MEGF9: variants seen among roughly 807,000 people sequenced by gnomAD.
MEGF9 encodes multiple EGF like domains 9, also known as multiple epidermal growth factor-like domains protein 9.
Under a neutral mutation model 46.8 loss-of-function variants are expected in MEGF9, and 6 were observed. The observed-to-expected ratio is 0.13, with a 90% CI of 0.07 to 0.25. The LOEUF (loss-of-function observed/expected upper bound fraction) is 0.25. Ranked by LOEUF, MEGF9 falls within the 10% of genes least tolerant of loss-of-function variation. The probability of loss-of-function intolerance (pLI) is 1.00; values close to 1 mark genes in which losing one functional copy is unlikely to be tolerated. For synonymous variants in MEGF9, 302 were observed against 330.7 expected (o/e 0.91, Z 0.94); for missense variants, 683 against 792.4 (o/e 0.86, Z 1.66).
intron 1 of MEGF9, among the ~76,000 whole-genome samples, chr9:120,687,975 A>G (rs889077557): frequency 2.0e-5 from 3 of 152,168 alleles, no homozygotes; most frequent in Non-Finnish European, 4.4e-5. Flanking sequence ...TAAAATGAAG[A>G]ATAAGTTTCT....
chr9:120,713,705 T>G (rs2043963505), intron 1 of MEGF9, 53 bp downstream of exon 1: 1 of 1,264,338 alleles, frequency 7.9e-7, no homozygotes, highest in Non-Finnish European at 9.9e-7. Flanking sequence ...AACCCTAGAT[T>G]GCCGGGGCTG....
intron 2 of MEGF9, among the ~76,000 whole-genome samples, chr9:120,629,346 T>C (rs2043540646): frequency 6.6e-6 from 1 of 152,058 alleles, no homozygotes; most frequent in Non-Finnish European, 1.5e-5. Flanking sequence ...AATAAACTTT[T>C]ATTGGAACAC....
chr9:120,614,979 C>T (rs928281180), intron 3 of MEGF9, among the ~76,000 whole-genome samples: 1 of 151,726 alleles, frequency 6.6e-6, no homozygotes, highest in African/African-American at 2.4e-5. Context: ...GTGGCTCACG[C>T]CTGTAATCCC....
intron 4 of MEGF9, among the ~76,000 whole-genome samples, chr9:120,610,278 G>A (rs1364644331): frequency 1.3e-5 from 2 of 152,104 alleles, no homozygotes; most frequent in Non-Finnish European, 2.9e-5. Flanking sequence ...CAGCATTTTT[G>A]TACTTCAACA....
chr9:120,663,523 T>C (rs1225570855), intron 1 of MEGF9, among the ~76,000 whole-genome samples: 1 of 152,122 alleles, frequency 6.6e-6, no homozygotes, highest in Non-Finnish European at 1.5e-5. Flanking sequence ...ATAGAAGCAA[T>C]GAGAAGGACC....
intron 1 of MEGF9, among the ~76,000 whole-genome samples, chr9:120,680,537 C>T (rs1000860467): frequency 1.3e-5 from 2 of 152,178 alleles, no homozygotes; most frequent in Non-Finnish European, 2.9e-5. Flanking sequence ...CGCATGCACC[C>T]CTGTGGCCAC....
At chr9:120,652,600 AC>A (rs1372398192) in intron 2 of MEGF9, among the ~76,000 whole-genome samples, 1 of 151,698 alleles carries the variant, frequency 6.6e-6, no homozygotes, top group Non-Finnish European at 1.5e-5. Context: ...GCACACACAC[AC>A]ACACACACAC....
In MEGF9 at chr9:120,714,344, G is replaced by T; in HGVS notation, c.15C>A (p.Ala5=). 1 of 1,337,312 alleles carries T rather than the reference G, an allele frequency of 7.5e-7. No individual in the cohort carries two copies. The highest frequency in any genetic ancestry group is 9.6e-7 in the Non-Finnish European group (1 of 1,042,078). The allele number at this position is 1,337,312 out of a possible 1,614,324, so 82.8% of individuals were successfully genotyped here. Residue 5 remains alanine, a synonymous_variant, in exon 1 of 6, where the codon GCC becomes GCA. Transcript: ENST00000373930. MNGG[A]ERAMRSLPSL... ...TCGGCAGGCTCCTCATGGCGCGCTCGGCTCCGCCATTCATTCATTCAGCCA... is the reference window on the plus strand; with the variant it reads ...TCGGCAGGCTCCTCATGGCGCGCTCTGCTCCGCCATTCATTCATTCAGCCA...
chr9:120,681,083 C>T (rs1488984734), intron 1 of MEGF9, among the ~76,000 whole-genome samples: 1 of 152,154 alleles, frequency 6.6e-6, no homozygotes, highest in Non-Finnish European at 1.5e-5. Context: ...TTTCCCTCTG[C>T]TTTTCTCAAA....
intron 1 of MEGF9, among the ~76,000 whole-genome samples, chr9:120,706,891 C>A (rs1040956461): frequency 3.5e-4 from 53 of 152,070 alleles, no homozygotes; most frequent in Admixed American, 3.2e-3. Flanking sequence ...GAATAGCACA[C>A]AGTGGAATGA....
At chr9:120,623,853 A>G (rs2043512394) in intron 2 of MEGF9, among the ~76,000 whole-genome samples, 2 of 152,242 alleles carry the variant, frequency 1.3e-5, no homozygotes, top group African/African-American at 4.8e-5. Context: ...ACAACACTTC[A>G]TCAGCTTATT....
chr9:120,697,122 G>A (rs558474011), intron 1 of MEGF9, among the ~76,000 whole-genome samples: 5 of 152,174 alleles, frequency 3.3e-5, no homozygotes, highest in South Asian at 2.1e-4. Flanking sequence ...TCGCTCTGTC[G>A]CCCAGGCTGG....
In MEGF9 at chr9:120,604,045, T is replaced by G. The variant is rs182587234; in HGVS notation, c.*1145A>C. 1 of 152,818 alleles carries G rather than the reference T, an allele frequency of 6.5e-6. No homozygotes were observed. Among genetic ancestry groups the G allele is most frequent in the East Asian group, 1.9e-4 (1 of 5,194 alleles). The allele number at this position is 152,818 out of a possible 1,614,324, so 9.5% of individuals were successfully genotyped here. On this transcript the variant is annotated 3_prime_UTR_variant, in exon 6 of 6. Transcript: ENST00000373930. Reference sequence around the variant, plus strand: ...TTTTTAATGAGGATATGTTTTATATTAATCTATGTAAAATATATAGGGTGG... The same window carrying G: ...TTTTTAATGAGGATATGTTTTATATGAATCTATGTAAAATATATAGGGTGG...
chr9:120,693,606 G>A (rs77491507), intron 1 of MEGF9, among the ~76,000 whole-genome samples: 3,612 of 152,262 alleles, frequency 0.024, 153 homozygotes, highest in African/African-American at 0.083. Context: ...AAACATTTTT[G>A]TTGGCAATAA....
chr9:120,696,803 G>A (rs866395749), intron 1 of MEGF9, among the ~76,000 whole-genome samples: 1 of 152,148 alleles, frequency 6.6e-6, no homozygotes, highest in Non-Finnish European at 1.5e-5. Flanking sequence ...GATTAACTAG[G>A]CAAATATGAT....
At chr9:120,647,435 C>T (rs938753518) in intron 2 of MEGF9, among the ~76,000 whole-genome samples, 1 of 152,072 alleles carries the variant, frequency 6.6e-6, no homozygotes, top group Non-Finnish European at 1.5e-5. Flanking sequence ...ACCATTTGGT[C>T]CTATACAAGC....
intron 3 of MEGF9, among the ~76,000 whole-genome samples, chr9:120,621,623 C>T (rs1265284010): frequency 6.6e-6 from 1 of 152,084 alleles, no homozygotes; most frequent in Non-Finnish European, 1.5e-5. Flanking sequence ...TCTAAGTTGA[C>T]TCTAACACCT....
intron 2 of MEGF9, among the ~76,000 whole-genome samples, chr9:120,624,871 T>TCAA (rs1245263875): frequency 5.0e-5 from 3 of 59,852 alleles, no homozygotes; most frequent in Non-Finnish European, 1.0e-4. Flanking sequence ...AGACTCCGTC[T>TCAA]CAAAAAAAAA....
chr9:120,613,974 C>A (rs1357607711), intron 3 of MEGF9, among the ~76,000 whole-genome samples: 3 of 150,950 alleles, frequency 2.0e-5, no homozygotes, highest in Admixed American at 2.0e-4. Flanking sequence ...TTGAAAAAAA[C>A]AAAAGAATGA....
Sources: gnomAD v4.1 joint callset for allele counts (sites outside exome capture counted in the v4.1 genomes callset) on GRCh38, gnomAD v4.1.1 for gene constraint, MANE v1.5 for transcripts, NCBI Gene and HGNC (gene_info 2026-07-23, HGNC 2026-07-21) for gene names.